Variants in PPM1D observed in about 807,000 individuals in gnomAD.
The protein encoded by PPM1D is protein phosphatase, Mg2+/Mn2+ dependent 1D, also known as protein phosphatase 1D.
A neutral mutation model predicts 58.3 loss-of-function variants in PPM1D; 52 were observed. The ratio of observed to expected loss-of-function variants is 0.89; its 90% CI spans 0.71 to 1.12. PPM1D has a LOEUF of 1.12. Among genes scored for constraint, PPM1D ranks in the 50% most tolerant of loss-of-function variants. The probability of loss-of-function intolerance (pLI) is 0.00; values close to 1 mark genes in which losing one functional copy is unlikely to be tolerated. For synonymous variants in PPM1D, 278 were observed against 285.1 expected (o/e 0.98, Z 0.25); for missense variants, 564 against 777.2 (o/e 0.73, Z 3.26).
At chr17:60,612,013 C>G (rs1412869747) in intron 1 of PPM1D, among the ~76,000 whole-genome samples, 1 of 151,162 alleles carries the variant, frequency 6.6e-6, no homozygotes, top group South Asian at 2.1e-4. Context: ...CCACTGACTA[C>G]ATGTAGTCAG....
intron 4 of PPM1D, among the ~76,000 whole-genome samples, chr17:60,650,570 AACAAC>A (rs2031324864): frequency 6.6e-6 from 1 of 152,004 alleles, no homozygotes; most frequent in African/African-American, 2.4e-5. Context: ...CAACAACAAC[AACAAC>A]AAAAAACACA....
intron 3 of PPM1D, among the ~76,000 whole-genome samples, chr17:60,637,095 A>G (rs1169528378): frequency 1.3e-5 from 2 of 151,702 alleles, no homozygotes; most frequent in African/African-American, 4.8e-5. Context: ...CAGCCTCCCA[A>G]GTAGCTGGGA....
chr17:60,602,581 G>T (rs1479172330), intron 1 of PPM1D, among the ~76,000 whole-genome samples: 1 of 151,894 alleles, frequency 6.6e-6, no homozygotes, highest in Non-Finnish European at 1.5e-5. Flanking sequence ...TACCCTGCCG[G>T]ACCTTCAGGA....
At chr17:60,646,006 G>A (rs1351245293) in intron 3 of PPM1D, among the ~76,000 whole-genome samples, 1 of 151,946 alleles carries the variant, frequency 6.6e-6, no homozygotes, top group Non-Finnish European at 1.5e-5. Flanking sequence ...TGGGCCTGTT[G>A]GTATACACCT....
intron 3 of PPM1D, among the ~76,000 whole-genome samples, chr17:60,634,248 T>TA (rs1204241866): frequency 6.6e-6 from 1 of 152,130 alleles, no homozygotes; most frequent in Non-Finnish European, 1.5e-5. Context: ...GCATCTTCAC[T>TA]AAAAAATACA....
At position 60,643,887 on chromosome 17, in the gene PPM1D, T is replaced by TC. The variant is rs1167580692; in HGVS notation, c.827-4005_827-4004insC. Among the ~76,000 whole-genome samples the TC allele has an allele frequency of 1.5e-3, 213 of 138,458 alleles. 1 individual carries two copies. Among genetic ancestry groups the TC allele is most frequent in the African/African-American group, 2.5e-3 (95 of 37,400 alleles). 90.8% of individuals were successfully genotyped at this position (138,458 alleles called of 152,430 possible). ...GCAATAGAACTCTTTTCTTTTCTTT[T>TC]TTTTTTTTTTTTTTTTTGAGATGGA... is the stretch of plus-strand genomic sequence containing the variant. On this transcript the variant is annotated intron_variant, in intron 3 of 5. Coordinates refer to ENST00000305921, the MANE Select transcript of PPM1D (RefSeq NM_003620.4).
At chr17:60,626,186 G>A (rs2030803859) in intron 2 of PPM1D, among the ~76,000 whole-genome samples, 1 of 152,048 alleles carries the variant, frequency 6.6e-6, no homozygotes, top group Admixed American at 6.6e-5. Context: ...CAGTATATTT[G>A]TAGGATCATT....
At chr17:60,650,812 G>A (rs2031329844) in intron 4 of PPM1D, among the ~76,000 whole-genome samples, 1 of 151,892 alleles carries the variant, frequency 6.6e-6, no homozygotes, top group East Asian at 1.9e-4. Context: ...TTGAGAGAGA[G>A]GGGTGGCATG....
chr17:60,659,400 A>T (rs1167986914), intron 5 of PPM1D, among the ~76,000 whole-genome samples: 1 of 152,200 alleles, frequency 6.6e-6, no homozygotes, highest in African/African-American at 2.4e-5. Context: ...CACATAAATT[A>T]GTCTTTGTTT....
At chr17:60,655,603 T>G (rs558909181) in intron 4 of PPM1D, among the ~76,000 whole-genome samples, 85 of 152,314 alleles carry the variant, frequency 5.6e-4, no homozygotes, top group African/African-American at 2.0e-3. Context: ...TGCCTCCACC[T>G]CCCAAAGTAC....
chr17:60,659,179 GTTTGT>G (rs1230015693), intron 5 of PPM1D, among the ~76,000 whole-genome samples: 1 of 152,056 alleles, frequency 6.6e-6, no homozygotes, highest in Non-Finnish European at 1.5e-5. Flanking sequence ...ATTGTTTTTG[GTTTGT>G]TTTATTTACC....
chr17:60,633,841 C>T lies in PPM1D; in HGVS notation c.702-12C>T, dbSNP rs751041445. ...ATCATTTAGATTATTTATGTGAACT[C>T]TTTATTTTTAGTGTAATGAACAAGT... On this transcript the variant is annotated splice_polypyrimidine_tract_variant and intron_variant, in intron 2 of 5. Coordinates refer to ENST00000305921, the MANE Select transcript of PPM1D (RefSeq NM_003620.4). 1 of 1,603,728 alleles carries T rather than the reference C, an allele frequency of 6.2e-7. No individual in the cohort carries two copies. Among genetic ancestry groups the T allele is most frequent in the South Asian group, 1.1e-5 (1 of 89,652 alleles).
chr17:60,637,700 G>A (rs1374747839), intron 3 of PPM1D, among the ~76,000 whole-genome samples: 1 of 152,090 alleles, frequency 6.6e-6, no homozygotes, highest in South Asian at 2.1e-4. Context: ...AAGGGGACAA[G>A]GTCTAGTGGC....
chr17:60,637,603 G>A (rs141127177), intron 3 of PPM1D, among the ~76,000 whole-genome samples: 28 of 152,256 alleles, frequency 1.8e-4, no homozygotes, highest in Admixed American at 1.8e-3. Context: ...GTGTTGTCTA[G>A]GGTGGAGCTT....
intron 1 of PPM1D, among the ~76,000 whole-genome samples, chr17:60,608,840 T>C (rs967419420): frequency 6.6e-6 from 1 of 151,706 alleles, no homozygotes; most frequent in Non-Finnish European, 1.5e-5. Context: ...CTCTGCCTCC[T>C]GGGTTCACAC....
intron 1 of PPM1D, among the ~76,000 whole-genome samples, chr17:60,603,516 A>G (rs1428307833): frequency 6.6e-6 from 1 of 152,210 alleles, no homozygotes; most frequent in Non-Finnish European, 1.5e-5. Flanking sequence ...TAATCCCAGC[A>G]CTTTGGGACA....
intron 1 of PPM1D, among the ~76,000 whole-genome samples, chr17:60,621,563 A>ATT (rs775950363): frequency 0.013 from 1,283 of 96,046 alleles, 39 homozygotes; most frequent in African/African-American, 0.042. Flanking sequence ...TATTTTTTGT[A>ATT]TTTTTTTTTT....
chr17:60,623,075 A>G (rs2030738755), intron 1 of PPM1D, among the ~76,000 whole-genome samples: 1 of 152,226 alleles, frequency 6.6e-6, no homozygotes, highest in South Asian at 2.1e-4. Flanking sequence ...TCAATCTAAA[A>G]AACAACAAAA....
intron 2 of PPM1D, among the ~76,000 whole-genome samples, chr17:60,627,009 C>T (rs951283327): frequency 6.6e-6 from 1 of 152,074 alleles, no homozygotes; most frequent in Non-Finnish European, 1.5e-5. Flanking sequence ...TAGGGGCTAG[C>T]TGTACATTAA....
Sources: allele counts gnomAD v4.1 joint callset (sites outside exome capture counted in the v4.1 genomes callset), GRCh38; gene constraint gnomAD v4.1.1; transcripts MANE v1.5; gene names NCBI Gene and HGNC (gene_info 2026-07-23, HGNC 2026-07-21).